The following FGF17 variants were observed in gnomAD, a reference collection of about 807,000 sequenced individuals.
FGF17 encodes the protein fibroblast growth factor 17.
In FGF17, 5 loss-of-function variants were observed where a neutral mutation model predicts 23.5. That is an observed-to-expected ratio of 0.21 (90% confidence interval 0.11 to 0.45). FGF17 has a LOEUF of 0.45. Among genes scored for constraint, FGF17 ranks in the 20% least tolerant of loss-of-function variants. The pLI is 0.99. For missense variants in FGF17, 221 were observed against 306.9 expected (o/e 0.72, Z 2.09); for synonymous variants, 136 against 123.0 (o/e 1.11, Z -0.70).
Position 22,048,464 on chromosome 8 carries a change from G to A in FGF17, c.*215G>A, listed in dbSNP as rs1446742191. On this transcript the variant is annotated 3_prime_UTR_variant, in exon 5 of 5. Coordinates refer to ENST00000359441, the MANE Select transcript of FGF17 (RefSeq NM_003867.4). The surrounding 1 kb of genome is among the most constrained non-coding windows in gnomAD (Gnocchi z 6.9). ...CCTTCCCGGACGGGTGGCAGGCCCTGGAGAGGAACTGAGTGTCACCCTGAT... is the reference window on the plus strand; with the variant it reads ...CCTTCCCGGACGGGTGGCAGGCCCTAGAGAGGAACTGAGTGTCACCCTGAT... The A allele has an allele frequency of 6.8e-6, 4 of 590,204 alleles. No homozygotes were observed. Among genetic ancestry groups the A allele is most frequent in the Non-Finnish European group, 1.2e-5 (4 of 332,054 alleles). The allele number at this position is 590,204 out of a possible 1,614,324, so 36.6% of individuals were successfully genotyped here.
intron 2 of FGF17, chr8:22,045,367 T>C (rs1800842766): frequency 3.0e-6 from 3 of 987,708 alleles, no homozygotes; most frequent in Admixed American, 6.1e-5. Context: ...CTCCCTCCGC[T>C]AAGGAGGCAC....
chr8:22,041,513 C>A (rs940631224), upstream of FGF17, among the ~76,000 whole-genome samples: 3 of 152,162 alleles, frequency 2.0e-5, no homozygotes, highest in Non-Finnish European at 4.4e-5. Context: ...CCTCAGAGAC[C>A]CCCAAGCCCT....
upstream of FGF17, among the ~76,000 whole-genome samples, chr8:22,039,867 G>A (rs1018562287): frequency 3.9e-5 from 6 of 152,106 alleles, no homozygotes; most frequent in South Asian, 1.0e-3. Context: ...GCAGGTGGTG[G>A]CAAGTGGCTG....
At chr8:22,045,683 C>A in intron 2 of FGF17, 1 of 1,080,918 alleles carries the variant, frequency 9.3e-7, no homozygotes, top group East Asian at 7.7e-5. Flanking sequence ...ATCTGGTTGT[C>A]CTGGCTAATG....
At chr8:22,042,424 C>T (rs1458227292), upstream of FGF17, 2 of 171,680 alleles carry the variant, frequency 1.2e-5, no homozygotes, top group Non-Finnish European at 2.5e-5. Flanking sequence ...CCACTTGACA[C>T]CTGCGGCTCA....
intron 4 of FGF17, among the ~76,000 whole-genome samples, chr8:22,047,024 C>T (rs1800895924): frequency 7.1e-6 from 1 of 140,764 alleles, no homozygotes; most frequent in Non-Finnish European, 1.5e-5. Flanking sequence ...CGGGCTAAAG[C>T]GATCCTCCCA....
intron 4 of FGF17, among the ~76,000 whole-genome samples, chr8:22,047,620 C>T (rs1470953296): frequency 1.3e-5 from 2 of 152,230 alleles, no homozygotes; most frequent in Non-Finnish European, 2.9e-5. Context: ...AGCAGCACCC[C>T]TCACCTAGGC....
chr8:22,042,791 T>A (rs954090453), upstream of FGF17: 1 of 766,624 alleles, frequency 1.3e-6, no homozygotes, highest in Non-Finnish European at 2.2e-6. Context: ...CTCCTCCCCT[T>A]TCTCTCCTCC....
chr8:22,043,797 C>T (rs1008163663), intron 2 of FGF17, among the ~76,000 whole-genome samples: 7 of 149,868 alleles, frequency 4.7e-5, no homozygotes, highest in Admixed American at 6.7e-5. Flanking sequence ...CAAGTCTCAG[C>T]CCCCAGTGCG....
chr8:22,044,390 A>G (rs891987386), intron 2 of FGF17, among the ~76,000 whole-genome samples: 9 of 151,574 alleles, frequency 5.9e-5, no homozygotes, highest in Non-Finnish European at 1.2e-4. Flanking sequence ...CATGAAAGGG[A>G]CAGGCTAGGT....
chr8:22,041,717 A>C (rs752856022), upstream of FGF17, among the ~76,000 whole-genome samples: 3 of 152,354 alleles, frequency 2.0e-5, no homozygotes, highest in South Asian at 2.1e-4. Flanking sequence ...AGAACAGAAG[A>C]AGCATGGACT....
rs2129713686 is a variant in FGF17 at position 22,048,472 on chromosome 8, ACTGAGTGTCACCCTGATCTCAGGCCAC to A, written c.*225_*251del. ...GACGGGTGGCAGGCCCTGGAGAGGA[ACTGAGTGTCACCCTGATCTCAGGCCAC>A]CAGCCTCTGCCGGCCTCCCAGCCGG... On this transcript the variant is annotated 3_prime_UTR_variant, in exon 5 of 5. Transcript: ENST00000359441. This position sits in a 1 kb window ranked among gnomAD's most constrained non-coding sequence, Gnocchi z 6.9. The A allele has an allele frequency of 1.7e-6, 1 of 581,582 alleles. No individual in the cohort carries two copies. The highest frequency in any genetic ancestry group is 1.9e-5 in the African/African-American group (1 of 53,468). The allele number at this position is 581,582 out of a possible 1,614,324, so 36.0% of individuals were successfully genotyped here. A position where few individuals can be genotyped will look rare whatever the true frequency, so the allele number is the denominator to read the frequency against.
chr8:22,044,776 C>T (rs528235089), intron 2 of FGF17: 231 of 985,402 alleles, frequency 2.3e-4, no homozygotes, highest in South Asian at 1.7e-3. Flanking sequence ...GTTAACCCCG[C>T]GCAGGTTAAA....
upstream of FGF17, chr8:22,042,254 C>T (rs751954986): frequency 4.2e-4 from 65 of 153,148 alleles, no homozygotes; most frequent in Non-Finnish European, 7.0e-4. Context: ...CAACCTGTTG[C>T]GCCCAGTATT....
intron 2 of FGF17, chr8:22,044,887 G>C: frequency 1.0e-6 from 1 of 985,474 alleles, no homozygotes. Context: ...TGCTAATCTG[G>C]GTCTAGCTCT....
At chr8:22,044,777 G>A (rs180860021) in intron 2 of FGF17, 282 of 985,450 alleles carry the variant, frequency 2.9e-4, no homozygotes, top group Admixed American at 5.5e-4. Flanking sequence ...TTAACCCCGC[G>A]CAGGTTAAAT....
chr8:22,044,641 C>G, intron 2 of FGF17: 1 of 980,804 alleles, frequency 1.0e-6, no homozygotes, highest in Middle Eastern at 5.3e-4. Flanking sequence ...CAGCGTGGGG[C>G]AGGCTGGGCA....
chr8:22,045,174 T>C (rs1213429491), intron 2 of FGF17: 61 of 985,376 alleles, frequency 6.2e-5, no homozygotes, highest in Non-Finnish European at 6.9e-5. Context: ...GTACTCCTCC[T>C]GGCTTTGCAC....
upstream of FGF17, among the ~76,000 whole-genome samples, chr8:22,039,861 G>T (rs1476142037): frequency 1.3e-5 from 2 of 152,012 alleles, no homozygotes; most frequent in Non-Finnish European, 2.9e-5. Flanking sequence ...GCTCAAGCAG[G>T]TGGTGGCAAG....
Sources: allele counts gnomAD v4.1 joint callset (sites outside exome capture counted in the v4.1 genomes callset), GRCh38; gene constraint gnomAD v4.1.1; non-coding constraint Gnocchi (gnomAD v3.1); transcripts MANE v1.5; gene names NCBI Gene and HGNC (gene_info 2026-07-23, HGNC 2026-07-21).